The following ABCB11 variants were observed in gnomAD, a reference collection of about 807,000 sequenced individuals.
ABCB11 encodes ATP binding cassette subfamily B member 11, also known as bile salt export pump.
In ABCB11, 95 loss-of-function variants were observed where a neutral mutation model predicts 148.0. The ratio of observed to expected loss-of-function variants is 0.64; its 90% CI spans 0.54 to 0.76. The LOEUF (loss-of-function observed/expected upper bound fraction) is 0.76. ABCB11 is among the 30% of genes least tolerant of loss of function. The probability of loss-of-function intolerance (pLI) is 0.00; values close to 1 mark genes in which losing one functional copy is unlikely to be tolerated. For synonymous variants in ABCB11, 591 were observed against 555.4 expected (o/e 1.06, Z -0.90); for missense variants, 1,523 against 1,617.8 (o/e 0.94, Z 1.01).
chr2:168,947,425 A>G (rs965213787), intron 19 of ABCB11, among the ~76,000 whole-genome samples: 1 of 151,610 alleles, frequency 6.6e-6, no homozygotes, highest in Non-Finnish European at 1.5e-5. Flanking sequence ...TCAAATGGAC[A>G]CAGGGAAAGT....
intron 25 of ABCB11, among the ~76,000 whole-genome samples, chr2:168,929,418 C>A (rs1691466884): frequency 6.6e-6 from 1 of 152,008 alleles, no homozygotes. Context: ...AAAAAGAAAC[C>A]TTTCAGAAAA....
Position 168,923,317 on chromosome 2 carries a change from G to A in ABCB11, c.*305C>T, listed in dbSNP as rs1306332037. ...CTCACTAATTCCCACATATTAATCA[G>A]GACTGGCTCCTGCACAGAGAAGCAC... On this transcript the variant is annotated 3_prime_UTR_variant, in exon 28 of 28. Coordinates refer to ENST00000650372, the MANE Select transcript of ABCB11 (RefSeq NM_003742.4). 6.4e-6 allele frequency: 3 copies of A among 467,120 alleles called. No homozygotes were observed. The South Asian group carries it at 8.0e-5, about 13-fold the overall frequency. 28.9% of individuals were successfully genotyped at this position (467,120 alleles called of 1,614,324 possible).
rs1691231338 is a variant in ABCB11, at chr2:168,924,774, C to A, written c.3648G>T (p.Gly1216=). ...GTTTCTCCCCTCTAGAGAGTTGAGA[C>A]CCCTGGGACCCAACGTTAGTTTCAT... The part of the protein sequence containing the change: ...EKYETNVGSQ[G]SQLSRGEKQR... The change falls in exon 27 of 28, where the codon GGG becomes GGT. Residue 1216 remains glycine, a synonymous_variant. Coordinates refer to ENST00000650372, the MANE Select transcript of ABCB11 (RefSeq NM_003742.4). The A allele has an allele frequency of 2.5e-6, 4 of 1,609,174 alleles. No individual in the cohort carries two copies. Among genetic ancestry groups the A allele is most frequent in the South Asian group, 2.2e-5 (2 of 89,784 alleles).
At chr2:168,974,092 C>T (rs1693712405) in intron 12 of ABCB11, among the ~76,000 whole-genome samples, 1 of 151,918 alleles carries the variant, frequency 6.6e-6, no homozygotes, top group Non-Finnish European at 1.5e-5. Context: ...AAATGATGCA[C>T]ATTAACACAG....
rs964774241 is a variant in ABCB11, at chr2:168,922,169, G to A, written c.*1453C>T. The stretch of plus-strand genomic sequence containing the variant: ...TGGCCCGACCTCTTTTCTAAGATTG[G>A]CCAATTTCCCCAGAAAATCATTCTT... On this transcript the variant is annotated 3_prime_UTR_variant, in exon 28 of 28. Transcript: ENST00000650372. Among the ~76,000 whole-genome samples the A allele has an allele frequency of 5.3e-5, 8 of 152,048 alleles. No homozygotes were observed. Among genetic ancestry groups the A allele is most frequent in the Admixed American group, 3.9e-4 (6 of 15,250 alleles).
intron 17 of ABCB11, among the ~76,000 whole-genome samples, chr2:168,966,768 G>A (rs1484192411): frequency 2.0e-5 from 3 of 151,782 alleles, no homozygotes; most frequent in African/African-American, 7.2e-5. Context: ...AGAAAAATCC[G>A]TCAGCATGTA....
At chr2:168,963,024 G>A (rs2105944382) in intron 18 of ABCB11, among the ~76,000 whole-genome samples, 1 of 151,810 alleles carries the variant, frequency 6.6e-6, no homozygotes, top group East Asian at 2.0e-4. Context: ...GTCATAAAGA[G>A]TACTCTACTT....
chr2:168,925,247 G>T (rs1452646226), intron 26 of ABCB11, among the ~76,000 whole-genome samples: 1 of 152,168 alleles, frequency 6.6e-6, no homozygotes, highest in African/African-American at 2.4e-5. Flanking sequence ...TGGAACACAG[G>T]CTTTGGTTAG....
At chr2:168,968,118 C>T (rs1693393917) in intron 17 of ABCB11, among the ~76,000 whole-genome samples, 1 of 102,066 alleles carries the variant, frequency 9.8e-6, no homozygotes, top group Non-Finnish European at 2.0e-5. Context: ...AGCAGAGGAA[C>T]ACTAAACACA....
chr2:169,000,151 T>G (rs1694828102), intron 5 of ABCB11, among the ~76,000 whole-genome samples: 1 of 152,160 alleles, frequency 6.6e-6, no homozygotes, highest in Non-Finnish European at 1.5e-5. Flanking sequence ...AACTGAAATT[T>G]GCTATTGTTA....
chr2:168,997,465 G>C (rs1396412098), intron 5 of ABCB11, among the ~76,000 whole-genome samples: 1 of 151,990 alleles, frequency 6.6e-6, no homozygotes, highest in Non-Finnish European at 1.5e-5. Flanking sequence ...TGCTGCACAG[G>C]GTTTGGGATT....
intron 1 of ABCB11, among the ~76,000 whole-genome samples, chr2:169,027,553 A>G (rs1164532294): frequency 1.3e-5 from 2 of 152,214 alleles, no homozygotes; most frequent in African/African-American, 2.4e-5. Flanking sequence ...CAGCATTCTG[A>G]AAGACCTCAC....
At chr2:168,960,648 T>G (rs1276863454) in intron 18 of ABCB11, among the ~76,000 whole-genome samples, 3 of 151,686 alleles carry the variant, frequency 2.0e-5, no homozygotes, top group Non-Finnish European at 3.0e-5. Flanking sequence ...AAGTTTGACT[T>G]TAAAGTTTGA....
downstream of ABCB11, among the ~76,000 whole-genome samples, chr2:168,917,709 A>T (rs1690965872): frequency 1.3e-5 from 2 of 152,236 alleles, no homozygotes; most frequent in South Asian, 4.1e-4. Flanking sequence ...CAGTGTAAGG[A>T]CACATTCCAA....
rs575705118 is a variant in ABCB11, at chr2:168,964,824, G to A, written c.2076-516C>T. ...TATATACTACCCTGCATTCAGACATGCATGAATGAGTATCTTGTTGAAATA... is the reference window on the plus strand; with the variant it reads ...TATATACTACCCTGCATTCAGACATACATGAATGAGTATCTTGTTGAAATA... On this transcript the variant is annotated intron_variant, in intron 17 of 27. Transcript: ENST00000650372. Among the ~76,000 whole-genome samples, 7 of 151,930 alleles carry A rather than the reference G, an allele frequency of 4.6e-5. No homozygotes were observed. In the South Asian group the frequency reaches 6.2e-4, roughly 13 times the overall value.
intron 17 of ABCB11, among the ~76,000 whole-genome samples, chr2:168,966,776 G>A (rs4148790): frequency 0.66 from 99,500 of 151,704 alleles, 33,210 homozygotes; most frequent in East Asian, 0.8. Flanking sequence ...CCGTCAGCAT[G>A]TACAATGAGA....
intron 16 of ABCB11, among the ~76,000 whole-genome samples, chr2:168,969,129 A>G (rs934261806): frequency 5.4e-5 from 8 of 148,202 alleles, no homozygotes; most frequent in African/African-American, 1.5e-4. Flanking sequence ...AAAAAAAAAA[A>G]AAGGGGGGGA....
intron 2 of ABCB11, chr2:169,017,798 C>A: frequency 1.7e-6 from 1 of 604,384 alleles, no homozygotes; most frequent in Non-Finnish European, 3.0e-6. Context: ...CAACCCTACT[C>A]TATCTAGGAA....
In ABCB11 at chr2:168,930,597, A is replaced by G. The variant is rs947131081; in HGVS notation, c.3411+68T>C. ...GTGAGTCTGGCAAAGCAAAAACTTG[A>G]AGCCCACTTTTAGGGGTTGGAAATA... On this transcript the variant is annotated intron_variant, in intron 25 of 27. Coordinates refer to ENST00000650372, the MANE Select transcript of ABCB11 (RefSeq NM_003742.4). The G allele has an allele frequency of 1.4e-5, 18 of 1,299,422 alleles. No homozygotes were observed. In the African/African-American group the frequency reaches 2.5e-4, roughly 18 times the overall value. 80.5% of individuals were successfully genotyped at this position (1,299,422 alleles called of 1,614,324 possible).
Sources: allele counts gnomAD v4.1 joint callset (sites outside exome capture counted in the v4.1 genomes callset), GRCh38; gene constraint gnomAD v4.1.1; transcripts MANE v1.5; gene names NCBI Gene and HGNC (gene_info 2026-07-23, HGNC 2026-07-21).